KCNQ1: variants seen among roughly 807,000 people sequenced by gnomAD.
KCNQ1 encodes potassium voltage-gated channel subfamily KQT member 1.
Under a neutral mutation model 72.4 loss-of-function variants are expected in KCNQ1, and 49 were observed. That is an observed-to-expected ratio of 0.68 (90% CI 0.54 to 0.86). KCNQ1 has a LOEUF of 0.86. KCNQ1 is among the 40% of genes least tolerant of loss of function. The probability of loss-of-function intolerance (pLI) is 0.00; values close to 1 mark genes in which losing one functional copy is unlikely to be tolerated. For synonymous variants in KCNQ1, 450 were observed against 412.6 expected, an observed-to-expected ratio of 1.09 and a Z score of -1.10; for missense variants, 790 against 945.1, an observed-to-expected ratio of 0.84 and a Z score of 2.15.
At chr11:2,812,970 C>A (rs911321551) in intron 15 of KCNQ1, among the ~76,000 whole-genome samples, 1 of 152,262 alleles carries the variant, frequency 6.6e-6, no homozygotes, top group African/African-American at 2.4e-5. Flanking sequence ...CCTCAGGTCT[C>A]TGCCCCAGCC....
At chr11:2,496,494 G>GATTTTTTTTTTT (rs1184873196) in intron 1 of KCNQ1, among the ~76,000 whole-genome samples, 1 of 19,918 alleles carries the variant, frequency 5.0e-5, no homozygotes, top group Non-Finnish European at 1.0e-4. Context: ...CACAACCCCT[G>GATTTTTTTTTTT]CTTTTTTTTT....
intron 11 of KCNQ1, among the ~76,000 whole-genome samples, chr11:2,733,851 C>T (rs1806732): frequency 0.15 from 10,284 of 70,618 alleles, 1,158 homozygotes; most frequent in African/African-American, 0.18. Context: ...CTCTCTCTCT[C>T]TCTCTCCCCC....
Position 2,831,800 on chromosome 11 carries a change from C to T in KCNQ1, c.1795-15967C>T, listed in dbSNP as rs571972389. Among the ~76,000 whole-genome samples, 38 of 150,836 alleles carry T rather than the reference C, an allele frequency of 2.5e-4. 1 individual carries two copies. Among genetic ancestry groups the T allele is most frequent in the South Asian group, 2.3e-3 (11 of 4,756 alleles). The stretch of plus-strand genomic sequence containing the variant: ...CAGAGCCCTGGAAGGCTAGGTACAG[C>T]GAGGAAGTGGCCACTCCATGACCCC... On this transcript the variant is annotated intron_variant, in intron 15 of 15. Transcript: ENST00000155840.
chr11:2,533,616 GGT>G (rs981601771), intron 2 of KCNQ1, among the ~76,000 whole-genome samples: 5 of 152,234 alleles, frequency 3.3e-5, no homozygotes, highest in Non-Finnish European at 7.3e-5. Context: ...ACATATGCCT[GGT>G]GTGTGTGTGC....
chr11:2,797,487 A>G (rs1187085396), intron 15 of KCNQ1, among the ~76,000 whole-genome samples: 1 of 152,140 alleles, frequency 6.6e-6, no homozygotes, highest in Admixed American at 6.5e-5. Context: ...CAGACCTTCC[A>G]AAACCCCGCA....
Position 2,677,560 on chromosome 11 carries a change from C to T in KCNQ1, c.1514+15479C>T, listed in dbSNP as rs184509407. 1.5e-4 allele frequency: 61 copies of T among 398,550 alleles called. No homozygotes were observed. In the East Asian group the frequency reaches 2.0e-3, roughly 13 times the overall value. 24.7% of individuals were successfully genotyped at this position (398,550 alleles called of 1,614,324 possible). On this transcript the variant is annotated intron_variant, in intron 11 of 15. Coordinates refer to ENST00000155840, the MANE Select transcript of KCNQ1 (RefSeq NM_000218.3). The surrounding 1 kb of genome is among the most constrained non-coding windows in gnomAD (Gnocchi z 4.5). ...GTATAAAAGATGCCCTCAGATGTTA[C>T]CATATAATGCTTTACAAAAGACAAA... is the stretch of plus-strand genomic sequence containing the variant.
At chr11:2,708,882 G>A (rs760648373) in intron 11 of KCNQ1, among the ~76,000 whole-genome samples, 9 of 152,046 alleles carry the variant, frequency 5.9e-5, no homozygotes, top group Admixed American at 2.0e-4. Context: ...CTGGATTTAC[G>A]TCTGCGGCAA....
At chr11:2,726,824 T>G (rs1315134816) in intron 11 of KCNQ1, among the ~76,000 whole-genome samples, 1 of 152,188 alleles carries the variant, frequency 6.6e-6, no homozygotes, top group African/African-American at 2.4e-5. Flanking sequence ...GTATCCCCCG[T>G]GCCCCACTGG....
chr11:2,837,954 G>A (rs763796425), intron 15 of KCNQ1, among the ~76,000 whole-genome samples: 3 of 152,238 alleles, frequency 2.0e-5, no homozygotes, highest in Non-Finnish European at 4.4e-5. Context: ...ATCAGCAGGT[G>A]CCGGTGCTTT....
Position 2,627,794 on chromosome 11 carries a change from A to G in KCNQ1, c.1394-34167A>G, listed in dbSNP as rs1456759356. ...GAGACAGGGTCTCCATCTGTCATCC[A>G]GGCAGGAGTACAGTGGCACAATCAC... On this transcript the variant is annotated intron_variant, in intron 10 of 15. Coordinates refer to ENST00000155840, the MANE Select transcript of KCNQ1 (RefSeq NM_000218.3). The surrounding 1 kb of genome is among the most constrained non-coding windows in gnomAD (Gnocchi z 4.9). The G allele has an allele frequency of 2.5e-6, 1 of 398,294 alleles. No individual in the cohort carries two copies. Among genetic ancestry groups the G allele is most frequent in the Non-Finnish European group, 4.4e-6 (1 of 226,068 alleles). The allele number at this position is 398,294 out of a possible 1,614,324, so 24.7% of individuals were successfully genotyped here.
intron 1 of KCNQ1, among the ~76,000 whole-genome samples, chr11:2,514,248 C>A (rs1738611033): frequency 6.6e-6 from 1 of 152,248 alleles, no homozygotes; most frequent in Admixed American, 6.5e-5. Flanking sequence ...TGCCTCCCAG[C>A]TCACTCTTAG....
chr11:2,527,549 C>T (rs974240481), intron 1 of KCNQ1, among the ~76,000 whole-genome samples: 4 of 152,214 alleles, frequency 2.6e-5, no homozygotes, highest in African/African-American at 9.7e-5. Flanking sequence ...AAAGAAAACC[C>T]CACGCCCACA....
At chr11:2,821,664 ACCCT>A (rs1847740823) in intron 15 of KCNQ1, among the ~76,000 whole-genome samples, 1 of 147,086 alleles carries the variant, frequency 6.8e-6, no homozygotes, top group African/African-American at 2.5e-5. Context: ...TCTGCTGGAA[ACCCT>A]CCCAGCCATT....
At chr11:2,689,304 T>C in intron 11 of KCNQ1, 1 of 398,638 alleles carries the variant, frequency 2.5e-6, no homozygotes, top group Non-Finnish European at 4.4e-6. Flanking sequence ...ACCCTAAGAC[T>C]CAATGCCACC....
intron 2 of KCNQ1, among the ~76,000 whole-genome samples, chr11:2,534,527 T>C (rs1290705965): frequency 6.6e-6 from 1 of 152,236 alleles, no homozygotes; most frequent in African/African-American, 2.4e-5. Flanking sequence ...TCGCCCTGCC[T>C]GGTGAGCTCC....
rs909509018 is a variant in KCNQ1 at position 2,661,877 on chromosome 11, C to T, written c.1394-84C>T. The stretch of plus-strand genomic sequence containing the variant: ...GGCACAAGCTCCACTCCTCACCTGG[C>T]CCTGGGAGCTCACAGGCCTGGCTCC... On this transcript the variant is annotated intron_variant, in intron 10 of 15. Coordinates refer to ENST00000155840, the MANE Select transcript of KCNQ1 (RefSeq NM_000218.3). This position sits in a 1 kb window ranked among gnomAD's most constrained non-coding sequence, Gnocchi z 5.9. 5.8e-6 allele frequency: 9 copies of T among 1,558,474 alleles called. No homozygotes were observed. The Admixed American group carries it at 6.7e-5, about 12-fold the overall frequency.
At chr11:2,643,885 G>T (rs926736915) in intron 10 of KCNQ1, 2 of 398,398 alleles carry the variant, frequency 5.0e-6, no homozygotes, top group Non-Finnish European at 8.8e-6. Flanking sequence ...TGGCTGGCAG[G>T]TTTTTGGTTT....
In KCNQ1 at chr11:2,547,434, A is replaced by G. The variant is rs143922929; in HGVS notation, c.477+19416A>G. Among the ~76,000 whole-genome samples, 1,843 of 152,016 alleles carry G rather than the reference A, an allele frequency of 0.012. 39 individuals carry two copies. The highest frequency in any genetic ancestry group is 0.042 in the African/African-American group (1,741 of 41,426). On this transcript the variant is annotated intron_variant, in intron 2 of 15. Transcript: ENST00000155840. This position sits in a 1 kb window ranked among gnomAD's most constrained non-coding sequence, Gnocchi z 4.2. ...TTATTAGTAGAGACGGCGTTTCACC[A>G]TTTTGGCCAGGCTGGTCTTGAACTC...
At chr11:2,586,392 G>A (rs1383283419) in intron 8 of KCNQ1, among the ~76,000 whole-genome samples, 1 of 152,226 alleles carries the variant, frequency 6.6e-6, no homozygotes, top group African/African-American at 2.4e-5. Flanking sequence ...TCTCCTTCCT[G>A]GGAGACCATA....
Sources: allele counts gnomAD v4.1 joint callset (sites outside exome capture counted in the v4.1 genomes callset), GRCh38; gene constraint gnomAD v4.1.1; non-coding constraint Gnocchi (gnomAD v3.1); transcripts MANE v1.5; gene names NCBI Gene and HGNC (gene_info 2026-07-23, HGNC 2026-07-21).